NAV2: variants seen among roughly 807,000 people sequenced by gnomAD.
NAV2 encodes neuron navigator 2, also known as helicase, APC down-regulated 1.
A neutral mutation model predicts 223.2 loss-of-function variants in NAV2; 54 were observed. The ratio of observed to expected loss-of-function variants is 0.24; its 90% confidence interval spans 0.19 to 0.30. NAV2 has a LOEUF of 0.30. Among genes scored for constraint, NAV2 ranks in the 10% least tolerant of loss-of-function variants. The pLI is 1.00. For missense variants in NAV2, 2,806 were observed against 3,147.5 expected, an observed-to-expected ratio of 0.89 and a Z score of 2.60; for synonymous variants, 1,279 against 1,239.3, an observed-to-expected ratio of 1.03 and a Z score of -0.67.
intron 10 of NAV2, among the ~76,000 whole-genome samples, chr11:19,973,166 A>C (rs1465485136): frequency 1.3e-5 from 2 of 152,218 alleles, no homozygotes; most frequent in Non-Finnish European, 2.9e-5. Flanking sequence ...CCAAAGTGCC[A>C]GCTGATTTCT....
chr11:19,468,713 A>G (rs1405968958), intron 1 of NAV2, among the ~76,000 whole-genome samples: 1 of 152,220 alleles, frequency 6.6e-6, no homozygotes, highest in African/African-American at 2.4e-5. Flanking sequence ...AATTGAAATA[A>G]AATTCATTGT....
At chr11:19,350,803 C>T (rs927480869) in exon 1 of NAV2, 12 of 721,564 alleles carry the variant, frequency 1.7e-5, no homozygotes, top group Non-Finnish European at 2.9e-5. Context: ...TTTAAGAAGA[C>T]AGGAAGACCT....
chr11:19,463,027 A>G (rs757009644), intron 1 of NAV2, among the ~76,000 whole-genome samples: 100 of 152,356 alleles, frequency 6.6e-4, no homozygotes, highest in Middle Eastern at 3.4e-3. Flanking sequence ...AGCAATAGCT[A>G]TGGGCTTAGA....
intron 1 of NAV2, among the ~76,000 whole-genome samples, chr11:19,428,692 A>G (rs968968320): frequency 2.0e-5 from 3 of 152,214 alleles, no homozygotes; most frequent in Non-Finnish European, 4.4e-5. Flanking sequence ...CTTAGCAGTC[A>G]TCTTTCCTCT....
At chr11:19,661,114 C>G (rs1329929214) in intron 1 of NAV2, among the ~76,000 whole-genome samples, 1 of 152,126 alleles carries the variant, frequency 6.6e-6, no homozygotes, top group Non-Finnish European at 1.5e-5. Context: ...CGCCCCAGCT[C>G]CCAGCCCCAG....
chr11:19,568,676 A>G (rs4237744), intron 1 of NAV2, among the ~76,000 whole-genome samples: 152,302 of 152,324 alleles, frequency 1, 76,140 homozygotes, highest in Non-Finnish European at 1. Context: ...TTAGTCCCCC[A>G]TTGAAGGAAG....
At chr11:19,768,620 C>T (rs1162568315) in intron 1 of NAV2, among the ~76,000 whole-genome samples, 2 of 152,090 alleles carry the variant, frequency 1.3e-5, no homozygotes. Context: ...TCTATGTGGA[C>T]TCCATGGGGT....
In NAV2 at chr11:19,433,935, C is replaced by T. The variant is rs550404292; in HGVS notation, c.75+82908C>T. Among the ~76,000 whole-genome samples, 4 of 152,280 alleles carry T rather than the reference C, an allele frequency of 2.6e-5. No individual in the cohort carries two copies. The East Asian group carries it at 5.8e-4, about 22-fold the overall frequency. ...TGCTGTAAGAGATGAGCCTCAAAAT[C>T]GCAATGGCTTAACACTTCAGCATCT... is the stretch of plus-strand genomic sequence containing the variant. On this transcript the variant is annotated intron_variant, in intron 1 of 37. Transcript: ENST00000360655.
intron 11 of NAV2, among the ~76,000 whole-genome samples, chr11:19,988,054 C>G (rs1284941666): frequency 6.6e-6 from 1 of 152,216 alleles, no homozygotes; most frequent in African/African-American, 2.4e-5. Flanking sequence ...CTGCTGTCCT[C>G]TCAGAACCCA....
chr11:19,981,554 C>T (rs1335786799), intron 10 of NAV2, among the ~76,000 whole-genome samples: 5 of 152,200 alleles, frequency 3.3e-5, no homozygotes, highest in African/African-American at 4.8e-5. Flanking sequence ...AAGATCTCCC[C>T]AGTTGAAAGA....
intron 4 of NAV2, among the ~76,000 whole-genome samples, chr11:19,877,707 C>T (rs1049512206): frequency 1.3e-4 from 20 of 151,892 alleles, no homozygotes; most frequent in African/African-American, 4.4e-4. Context: ...CTCCTGACCT[C>T]GTGATCCACC....
chr11:19,593,801 G>T (rs2046127088), intron 1 of NAV2, among the ~76,000 whole-genome samples: 7 of 152,040 alleles, frequency 4.6e-5, no homozygotes, highest in Admixed American at 4.6e-4. Context: ...TGGTGATGTT[G>T]AACATTTTTT....
Position 19,380,917 on chromosome 11 carries a change from C to T in NAV2, c.75+29890C>T, listed in dbSNP as rs143186681. 3.3e-5 allele frequency among the ~76,000 whole-genome samples: 5 copies of T among 152,318 alleles called. 1 individual carries two copies. In the East Asian group the frequency reaches 7.7e-4, roughly 24 times the overall value. On this transcript the variant is annotated intron_variant, in intron 1 of 37. Transcript: ENST00000360655. ...TGGGCAAACCAGGCTGAGCTTTCCA[C>T]CCTATGACTATGACCTAGGTCCTCA...
chr11:19,359,274 G>A (rs745674653), intron 1 of NAV2, among the ~76,000 whole-genome samples: 7 of 152,156 alleles, frequency 4.6e-5, no homozygotes, highest in Non-Finnish European at 8.8e-5. Context: ...ATGCGTGTGG[G>A]GATTCATAAC....
At chr11:20,083,265 A>T in intron 26 of NAV2, 86 bp downstream of exon 26, 1 of 1,084,246 alleles carries the variant, frequency 9.2e-7, no homozygotes, top group East Asian at 2.4e-5. Context: ...GTTATGACAC[A>T]TCTGCTCCTT....
intron 1 of NAV2, among the ~76,000 whole-genome samples, chr11:19,553,779 A>G (rs2044770654): frequency 6.6e-6 from 1 of 152,186 alleles, no homozygotes; most frequent in Non-Finnish European, 1.5e-5. Flanking sequence ...GGGGAGACAC[A>G]CCACAGCTGC....
At chr11:19,452,330 C>T (rs776303969) in intron 1 of NAV2, among the ~76,000 whole-genome samples, 16 of 152,076 alleles carry the variant, frequency 1.1e-4, no homozygotes, top group Admixed American at 4.6e-4. Context: ...CATATGGAGA[C>T]GAATGAGGAA....
chr11:19,632,610 C>G (rs754697950), intron 1 of NAV2, among the ~76,000 whole-genome samples: 1 of 152,166 alleles, frequency 6.6e-6, no homozygotes, highest in Non-Finnish European at 1.5e-5. Context: ...GAGGCTGATT[C>G]CTTGGAGCAA....
At chr11:20,001,509 C>T (rs1565739710) in intron 11 of NAV2, among the ~76,000 whole-genome samples, 1 of 152,072 alleles carries the variant, frequency 6.6e-6, no homozygotes, top group African/African-American at 2.4e-5. Flanking sequence ...ATCCAGAGAC[C>T]TTGGCTTTTT....
Sources: allele counts gnomAD v4.1 joint callset (sites outside exome capture counted in the v4.1 genomes callset), GRCh38; gene constraint gnomAD v4.1.1; transcripts MANE v1.5; gene names NCBI Gene and HGNC (gene_info 2026-07-23, HGNC 2026-07-21).